The following GALNTL5 variants were observed in gnomAD, a reference collection of about 807,000 sequenced individuals.
The protein encoded by GALNTL5 is polypeptide N-acetylgalactosaminyltransferase like 5, also known as inactive polypeptide N-acetylgalactosaminyltransferase-like protein 5.
Under a neutral mutation model 51.0 loss-of-function variants are expected in GALNTL5, and 44 were observed. The observed-to-expected ratio is 0.86, with a 90% CI of 0.68 to 1.11. The LOEUF (loss-of-function observed/expected upper bound fraction) is 1.11, where lower values mean the gene tolerates loss of function less well. Among genes scored for constraint, GALNTL5 ranks in the 50% least tolerant of loss-of-function variants. The pLI is 0.00. For synonymous variants in GALNTL5, 192 were observed against 182.8 expected (o/e 1.05, Z -0.41); for missense variants, 528 against 531.8 (o/e 0.99, Z 0.07).
In GALNTL5 at chr7:151,956,560, T is replaced by A. The variant is rs1337719237; in HGVS notation, c.-89T>A. The stretch of plus-strand genomic sequence containing the variant: ...CCCCTGCCTCATTCAGCTGTGACTC[T>A]GCTTGGAAAATTCATCAGTTACAAA... On this transcript the variant is annotated 5_prime_UTR_variant, in exon 1 of 9. Coordinates refer to ENST00000392800, the MANE Select transcript of GALNTL5 (RefSeq NM_145292.4). 2 of 150,750 alleles carry A rather than the reference T, an allele frequency of 1.3e-5. No individual in the cohort carries two copies. The highest frequency in any genetic ancestry group is 2.5e-5 in the African/African-American group (1 of 40,184). 9.3% of individuals were successfully genotyped at this position (150,750 alleles called of 1,614,324 possible).
In GALNTL5 at chr7:152,019,887, A is replaced by G. The variant is rs908166689; in HGVS notation, c.*86A>G. On this transcript the variant is annotated 3_prime_UTR_variant, in exon 9 of 9. Transcript: ENST00000392800. ...TGTCACAAGAGTGTAAGTTTGGAAC[A>G]TCGTGGAATTACGTGAAATGCAATT... The G allele has an allele frequency of 1.4e-4, 162 of 1,162,656 alleles. 1 individual carries two copies. Among genetic ancestry groups the G allele is most frequent in the Admixed American group, 2.2e-4 (9 of 40,244 alleles). The allele number at this position is 1,162,656 out of a possible 1,614,324, so 72.0% of individuals were successfully genotyped here.
In GALNTL5 at chr7:152,019,628, C is replaced by G; in HGVS notation, c.1177-18C>G. 1 of 1,604,580 alleles carries G rather than the reference C, an allele frequency of 6.2e-7. No individual in the cohort carries two copies. Among genetic ancestry groups the G allele is most frequent in the Non-Finnish European group, 8.5e-7 (1 of 1,172,926 alleles). On this transcript the variant is annotated intron_variant, in intron 8 of 8. Transcript: ENST00000392800. ...TTGTTTGGTTGAACGTAACGACTGA[C>G]TCTATATTTTCATTTAGGAGCAGTT...
chr7:151,967,493 GGTAA>G lies in GALNTL5; in HGVS notation c.247+4_247+7del, dbSNP rs1057073036. The G allele has an allele frequency of 6.2e-7, 1 of 1,608,886 alleles. No individual in the cohort carries two copies. The highest frequency in any genetic ancestry group is 8.5e-7 in the Non-Finnish European group (1 of 1,177,136). On this transcript the variant is annotated splice_donor_variant and splice_donor_region_variant and intron_variant, in intron 2 of 8. Transcript: ENST00000392800. LOFTEE classifies it high-confidence loss of function. ...TGAAGATAAAGCAAAGTCTATGTTA[GGTAA>G]GTATTTGGATTTTTTTCCGTTAGCC...
chr7:151,958,830 T>A (rs778216639), intron 1 of GALNTL5, among the ~76,000 whole-genome samples: 5 of 152,170 alleles, frequency 3.3e-5, no homozygotes, highest in Non-Finnish European at 7.3e-5. Flanking sequence ...GAGAAGGGTT[T>A]TATTGAGCAA....
intron 5 of GALNTL5, among the ~76,000 whole-genome samples, chr7:151,989,355 G>T (rs912749972): frequency 6.6e-6 from 1 of 151,938 alleles, no homozygotes; most frequent in Non-Finnish European, 1.5e-5. Flanking sequence ...GTTTCGCCAT[G>T]TTGGCCAAAC....
At position 152,014,615 on chromosome 7, in the gene GALNTL5, C is replaced by T. The variant is rs369771716; in HGVS notation, c.1027-29C>T. 11 of 1,578,412 alleles carry T rather than the reference C, an allele frequency of 7.0e-6. No individual in the cohort carries two copies. The African/African-American group carries it at 1.2e-4, about 18-fold the overall frequency. On this transcript the variant is annotated intron_variant, in intron 7 of 8. Coordinates refer to ENST00000392800, the MANE Select transcript of GALNTL5 (RefSeq NM_145292.4). Reference sequence around the variant, plus strand: ...TGCCTGTTAGCAGTAATAATGCATTCGTATGTTTTTTGTTCTTCTTATGCC... The same window carrying T: ...TGCCTGTTAGCAGTAATAATGCATTTGTATGTTTTTTGTTCTTCTTATGCC...
chr7:152,012,418 G>A (rs2081748345), intron 7 of GALNTL5, among the ~76,000 whole-genome samples: 1 of 134,686 alleles, frequency 7.4e-6, no homozygotes, highest in South Asian at 2.6e-4. Flanking sequence ...AGATGCTGGC[G>A]AGGCTGTGGA....
At position 151,978,299 on chromosome 7, in the gene GALNTL5, G is replaced by A. The variant is rs567922730; in HGVS notation, c.369-4687G>A. On this transcript the variant is annotated intron_variant, in intron 3 of 8. Transcript: ENST00000392800. ...GAAATCCATTTTTTTAATTGGATTT[G>A]AACAAATGAATAGCCATTTACAAAT... is the stretch of plus-strand genomic sequence containing the variant. 9.2e-5 allele frequency among the ~76,000 whole-genome samples: 14 copies of A among 152,114 alleles called. No individual in the cohort carries two copies. The South Asian group carries it at 2.9e-3, about 32-fold the overall frequency.
At chr7:151,979,469 G>T (rs1400362024) in intron 3 of GALNTL5, among the ~76,000 whole-genome samples, 1 of 149,600 alleles carries the variant, frequency 6.7e-6, no homozygotes, top group South Asian at 2.1e-4. Context: ...TTTTTTGGTG[G>T]GGGGAGGGGG....
At chr7:152,011,364 A>G (rs910287451) in intron 7 of GALNTL5, among the ~76,000 whole-genome samples, 1 of 152,240 alleles carries the variant, frequency 6.6e-6, no homozygotes, top group Non-Finnish European at 1.5e-5. Context: ...CTGGTAACTG[A>G]GCTTCAACAT....
chr7:151,975,060 CCTTA>C (rs1055173487), intron 3 of GALNTL5, among the ~76,000 whole-genome samples: 3 of 151,976 alleles, frequency 2.0e-5, no homozygotes, highest in East Asian at 1.9e-4. Flanking sequence ...TTTAGCTTTC[CCTTA>C]CTTTTTTTAA....
intron 3 of GALNTL5, among the ~76,000 whole-genome samples, chr7:151,971,493 A>C (rs2081141430): frequency 6.6e-6 from 1 of 152,310 alleles, no homozygotes; most frequent in Admixed American, 6.5e-5. Flanking sequence ...GATTAACATA[A>C]TCATTGTTAT....
chr7:151,971,100 T>TAGAC (rs2081130168), intron 3 of GALNTL5, 35 bp downstream of exon 3: 1 of 1,043,942 alleles, frequency 9.6e-7, no homozygotes, highest in South Asian at 1.4e-5. Context: ...ATTCTCTAGA[T>TAGAC]AGATAGATAG....
Position 152,007,993 on chromosome 7 carries a change from T to C in GALNTL5, c.1026+49T>C, listed in dbSNP as rs772154834. 3.0e-6 allele frequency: 3 copies of C among 993,214 alleles called. No homozygotes were observed. In the South Asian group the frequency reaches 4.0e-5, roughly 13 times the overall value. 61.5% of individuals were successfully genotyped at this position (993,214 alleles called of 1,614,324 possible). ...ATAGCTATAGAGAGTGAAACCTAAC[T>C]TTGTCACATACAATGCTGTGGTAAT... On this transcript the variant is annotated intron_variant, in intron 7 of 8. Transcript: ENST00000392800.
At chr7:151,963,678 A>G (rs962828080) in intron 1 of GALNTL5, among the ~76,000 whole-genome samples, 26 of 152,188 alleles carry the variant, frequency 1.7e-4, no homozygotes, top group African/African-American at 6.3e-4. Flanking sequence ...GATTACAGGC[A>G]TGAGCCACTG....
intron 3 of GALNTL5, among the ~76,000 whole-genome samples, chr7:151,973,770 A>G (rs917712463): frequency 2.3e-5 from 3 of 131,988 alleles, no homozygotes; most frequent in Non-Finnish European, 5.2e-5. Context: ...GTGAAATGAG[A>G]TTTGGGAGGG....
intron 2 of GALNTL5, among the ~76,000 whole-genome samples, chr7:151,969,972 A>AT (rs557162369): frequency 0.56 from 83,191 of 147,422 alleles, 23,330 homozygotes; most frequent in East Asian, 0.62. Flanking sequence ...ACGCCTGGCT[A>AT]TTTTTTTTTT....
chr7:151,981,765 A>G (rs2081294939), intron 3 of GALNTL5, among the ~76,000 whole-genome samples: 1 of 142,072 alleles, frequency 7.0e-6, no homozygotes, highest in Non-Finnish European at 1.5e-5. Flanking sequence ...TCTCTGCCTT[A>G]GCCTCCTAAG....
intron 8 of GALNTL5, among the ~76,000 whole-genome samples, chr7:152,017,264 A>G (rs529405641): frequency 3.9e-5 from 6 of 152,330 alleles, no homozygotes; most frequent in African/African-American, 1.4e-4. Context: ...CCTGTATGGC[A>G]TGTGACTCTA....
Sources: allele counts gnomAD v4.1 joint callset (sites outside exome capture counted in the v4.1 genomes callset), GRCh38; gene constraint gnomAD v4.1.1; transcripts MANE v1.5; gene names NCBI Gene and HGNC (gene_info 2026-07-23, HGNC 2026-07-21).